The following DLGAP1 variants were observed in gnomAD, a reference collection of about 807,000 sequenced individuals.
The protein encoded by DLGAP1 is DLG associated protein 1, also known as disks large-associated protein 1.
Under a neutral mutation model 90.8 loss-of-function variants are expected in DLGAP1, and 11 were observed. The ratio of observed to expected loss-of-function variants is 0.12; its 90% CI spans 0.08 to 0.20. DLGAP1 has a LOEUF of 0.20. Among genes scored for constraint, DLGAP1 ranks in the 10% least tolerant of loss-of-function variants. DLGAP1 has a pLI of 1.00. For missense variants in DLGAP1, 1,050 were observed against 1,333.8 expected (o/e 0.79, Z 3.31); for synonymous variants, 558 against 540.7 (o/e 1.03, Z -0.44).
chr18:3,708,832 G>A (rs962609961), intron 7 of DLGAP1, among the ~76,000 whole-genome samples: 2 of 152,116 alleles, frequency 1.3e-5, no homozygotes, highest in African/African-American at 2.4e-5. Context: ...ATGACTTTCT[G>A]AAGCTTCTCT....
intron 2 of DLGAP1, among the ~76,000 whole-genome samples, chr18:4,144,144 C>G (rs1327133334): frequency 6.6e-6 from 1 of 152,152 alleles, no homozygotes; most frequent in Admixed American, 6.5e-5. Flanking sequence ...CACGCCAACC[C>G]CACTGGCTCC....
chr18:3,845,108 A>T, intron 4 of DLGAP1: 1 of 1,238,302 alleles, frequency 8.1e-7, no homozygotes, highest in African/African-American at 1.5e-5. Context: ...CCCAGTTCAC[A>T]GACATCATGA....
chr18:4,312,849 C>T (rs1486686589), intron 1 of DLGAP1, among the ~76,000 whole-genome samples: 2 of 152,112 alleles, frequency 1.3e-5, no homozygotes, highest in Non-Finnish European at 2.9e-5. Flanking sequence ...AAAATATAAT[C>T]ATAGCCTTAG....
intron 1 of DLGAP1, among the ~76,000 whole-genome samples, chr18:4,339,626 G>A (rs2081146533): frequency 6.6e-6 from 1 of 151,770 alleles, no homozygotes; most frequent in Non-Finnish European, 1.5e-5. Flanking sequence ...AATTTTAATT[G>A]ACCTCATCAG....
intron 2 of DLGAP1, among the ~76,000 whole-genome samples, chr18:4,140,180 CT>C (rs1305740239): frequency 6.6e-6 from 1 of 151,854 alleles, no homozygotes; most frequent in East Asian, 1.9e-4. Context: ...TCATTTCTTG[CT>C]TCTTTCTTTT....
intron 9 of DLGAP1, among the ~76,000 whole-genome samples, chr18:3,549,325 TTCTC>T (rs1053579088): frequency 6.1e-5 from 9 of 146,864 alleles, no homozygotes; most frequent in Admixed American, 2.7e-4. Flanking sequence ...ATTCCTCACT[TTCTC>T]TCTCTCTCTT....
chr18:3,749,045 G>A (rs540720346), intron 5 of DLGAP1, among the ~76,000 whole-genome samples: 10 of 151,964 alleles, frequency 6.6e-5, no homozygotes, highest in Non-Finnish European at 1.5e-4. Context: ...AGTGTTGAAG[G>A]TAATTCCAAT....
At chr18:4,151,112 C>G (rs2076668764) in intron 2 of DLGAP1, 68 bp downstream of exon 2, 1 of 152,152 alleles carries the variant, frequency 6.6e-6, no homozygotes, top group Admixed American at 6.5e-5. Flanking sequence ...TATAGGATAG[C>G]TGAAGAGGAA....
intron 5 of DLGAP1, among the ~76,000 whole-genome samples, chr18:3,759,430 TTTCATAATAATTCATCAGACG>T (rs1312565142): frequency 6.6e-6 from 1 of 152,214 alleles, no homozygotes; most frequent in Non-Finnish European, 1.5e-5. Flanking sequence ...GTGTTGTCCT[TTTCATAATAATTCATCAGACG>T]TAGAAATTAT....
intron 7 of DLGAP1, among the ~76,000 whole-genome samples, chr18:3,664,293 T>C (rs1480707793): frequency 6.6e-6 from 1 of 152,022 alleles, no homozygotes. Context: ...TAGCTGAATG[T>C]GGAACAGAAG....
intron 7 of DLGAP1, among the ~76,000 whole-genome samples, chr18:3,659,394 TACACACAC>T (rs71366699): frequency 3.4e-4 from 35 of 102,172 alleles, no homozygotes; most frequent in Middle Eastern, 5.8e-3. Context: ...CATACATTTA[TACACACAC>T]ACACACACAC....
chr18:3,781,018 C>T (rs1374922913), intron 5 of DLGAP1, among the ~76,000 whole-genome samples: 1 of 152,016 alleles, frequency 6.6e-6, no homozygotes, highest in Non-Finnish European at 1.5e-5. Context: ...GAGATGTGGT[C>T]GGTCTTGTTA....
intron 3 of DLGAP1, among the ~76,000 whole-genome samples, chr18:3,937,664 G>A (rs546702423): frequency 2.1e-4 from 32 of 152,218 alleles, no homozygotes; most frequent in African/African-American, 6.7e-4. Flanking sequence ...ATGATAAATC[G>A]GATATGAACA....
chr18:3,675,867 T>G (rs747129779), intron 7 of DLGAP1, among the ~76,000 whole-genome samples: 11 of 152,214 alleles, frequency 7.2e-5, no homozygotes, highest in Non-Finnish European at 1.3e-4. Flanking sequence ...CCAACCAACT[T>G]GATGTCAACC....
At chr18:3,843,662 G>T (rs1376369902) in intron 4 of DLGAP1, among the ~76,000 whole-genome samples, 1 of 152,142 alleles carries the variant, frequency 6.6e-6, no homozygotes, top group Non-Finnish European at 1.5e-5. Context: ...AAAACAAAAT[G>T]AACACCTTTC....
chr18:4,080,179 A>G (rs1012266196), intron 2 of DLGAP1, among the ~76,000 whole-genome samples: 1 of 152,196 alleles, frequency 6.6e-6, no homozygotes, highest in Admixed American at 6.5e-5. Context: ...GACATATTGC[A>G]GTGCTTTCCT....
intron 2 of DLGAP1, among the ~76,000 whole-genome samples, chr18:4,131,978 T>C (rs909124184): frequency 5.9e-5 from 9 of 152,190 alleles, no homozygotes; most frequent in African/African-American, 9.6e-5. Context: ...ATACAATTAC[T>C]AGTATCTGGC....
chr18:3,515,997 A>G (rs974990664), intron 10 of DLGAP1, among the ~76,000 whole-genome samples: 2 of 152,032 alleles, frequency 1.3e-5, no homozygotes, highest in African/African-American at 4.8e-5. Context: ...AATTATAGCA[A>G]TTCAGTCACA....
chr18:3,772,210 T>TTCTTTC (rs1225363229), intron 5 of DLGAP1, among the ~76,000 whole-genome samples: 3 of 148,306 alleles, frequency 2.0e-5, no homozygotes, highest in Non-Finnish European at 4.5e-5. Flanking sequence ...TTCTCTCCTT[T>TTCTTTC]TCTTTCTCTC....
Sources: gnomAD v4.1 joint callset for allele counts (sites outside exome capture counted in the v4.1 genomes callset) on GRCh38, gnomAD v4.1.1 for gene constraint, MANE v1.5 for transcripts, NCBI Gene and HGNC (gene_info 2026-07-23, HGNC 2026-07-21) for gene names.